The following RTF1 variants were observed in gnomAD, a reference collection of about 807,000 sequenced individuals.
The protein encoded by RTF1 is RNA polymerase-associated protein RTF1 homolog.
A neutral mutation model predicts 95.7 loss-of-function variants in RTF1; 10 were observed. The ratio of observed to expected loss-of-function variants is 0.10; its 90% CI spans 0.06 to 0.18. RTF1 has a LOEUF of 0.18. Ranked by LOEUF, RTF1 falls within the 10% of genes least tolerant of loss-of-function variation. The probability of loss-of-function intolerance (pLI) is 1.00; values close to 1 mark genes in which losing one functional copy is unlikely to be tolerated. For synonymous variants in RTF1, 305 were observed against 311.8 expected, an observed-to-expected ratio of 0.98 and a Z score of 0.23; for missense variants, 458 against 875.6, an observed-to-expected ratio of 0.52 and a Z score of 6.02.
At chr15:41,463,770 C>T (rs1174692719) in intron 4 of RTF1, among the ~76,000 whole-genome samples, 1 of 152,200 alleles carries the variant, frequency 6.6e-6, no homozygotes, top group Non-Finnish European at 1.5e-5. Flanking sequence ...GTGTGAGCCA[C>T]CGTGCCTGGC....
rs548824540 is a variant in RTF1 at position 41,449,555 on chromosome 15, G to A, written c.310-3346G>A. Among the ~76,000 whole-genome samples, 19 of 152,040 alleles carry A rather than the reference G, an allele frequency of 1.2e-4. No individual in the cohort carries two copies. The South Asian group carries it at 3.3e-3, about 27-fold the overall frequency. On this transcript the variant is annotated intron_variant, in intron 2 of 17. Coordinates refer to ENST00000389629, the MANE Select transcript of RTF1 (RefSeq NM_015138.5). Reference sequence around the variant, plus strand: ...GTGGGGTCTTGCTATGTTTCACAGGGTGGTCTCCAACTCCTGTGTTCAAGT... The same window carrying A: ...GTGGGGTCTTGCTATGTTTCACAGGATGGTCTCCAACTCCTGTGTTCAAGT...
chr15:41,470,530 C>T (rs1357844278), intron 7 of RTF1, 138 bp downstream of exon 7: 2 of 841,910 alleles, frequency 2.4e-6, no homozygotes, highest in East Asian at 2.4e-5. Context: ...CTGAGTTCCC[C>T]AGCACGTCAG....
rs1184025322 is a variant in RTF1 at position 41,483,332 on chromosome 15, T to G, written c.*2645T>G. 1 of 152,600 alleles carries G rather than the reference T, an allele frequency of 6.6e-6. No individual in the cohort carries two copies. The highest frequency in any genetic ancestry group is 2.4e-5 in the African/African-American group (1 of 41,430). The allele number at this position is 152,600 out of a possible 1,614,324, so 9.5% of individuals were successfully genotyped here. A position where few individuals can be genotyped will look rare whatever the true frequency, so the allele number is the denominator to read the frequency against. On this transcript the variant is annotated 3_prime_UTR_variant, in exon 18 of 18. Transcript: ENST00000389629. ...TGTTGAAGGGTGCAGCACCCAAGGT[T>G]GTTTTTATGCATTTTTTCAGTTCCT...
At chr15:41,465,210 G>A (rs952500498) in intron 5 of RTF1, among the ~76,000 whole-genome samples, 19 of 146,374 alleles carry the variant, frequency 1.3e-4, no homozygotes, top group African/African-American at 4.3e-4. Context: ...TATGTTGCCC[G>A]GGCTAGAATA....
intron 3 of RTF1, among the ~76,000 whole-genome samples, chr15:41,457,346 CA>C (rs2050824181): frequency 6.6e-6 from 1 of 152,112 alleles, no homozygotes; most frequent in African/African-American, 2.4e-5. Context: ...CCAGCCTGAA[CA>C]ATATGGTGAA....
chr15:41,462,633 A>T (rs745919179), intron 4 of RTF1, among the ~76,000 whole-genome samples: 7 of 152,214 alleles, frequency 4.6e-5, no homozygotes, highest in Admixed American at 2.6e-4. Flanking sequence ...TTGTGCAATC[A>T]TCACCACAAT....
intron 14 of RTF1, among the ~76,000 whole-genome samples, chr15:41,477,967 A>G (rs966382720): frequency 1.3e-5 from 2 of 151,312 alleles, no homozygotes; most frequent in South Asian, 2.1e-4. Flanking sequence ...TGAGCCGGAC[A>G]TGGTGGTGCA....
chr15:41,425,908 A>G (rs2050626819), intron 1 of RTF1, among the ~76,000 whole-genome samples: 1 of 152,080 alleles, frequency 6.6e-6, no homozygotes, highest in South Asian at 2.1e-4. Context: ...AGAGGTGAAG[A>G]TCCTGCATTC....
chr15:41,474,534 T>G, intron 8 of RTF1, 86 bp from the exon 9 acceptor site: 2 of 948,882 alleles, frequency 2.1e-6, no homozygotes, highest in Non-Finnish European at 3.5e-6. Flanking sequence ...GTTGTCTGCG[T>G]TCAGGTAGAG....
intron 9 of RTF1, among the ~76,000 whole-genome samples, chr15:41,475,079 C>G (rs1397817308): frequency 6.6e-6 from 1 of 152,170 alleles, no homozygotes; most frequent in Non-Finnish European, 1.5e-5. Context: ...ATTTCCTCTT[C>G]AGTAAAATGA....
chr15:41,418,829 G>A (rs2050585461), intron 1 of RTF1, among the ~76,000 whole-genome samples: 1 of 151,228 alleles, frequency 6.6e-6, no homozygotes, highest in South Asian at 2.1e-4. Flanking sequence ...AAGTATTAAG[G>A]CATAAAAGGG....
At chr15:41,458,024 A>G (rs988430480) in intron 4 of RTF1, 148 bp downstream of exon 4, 3 of 639,020 alleles carry the variant, frequency 4.7e-6, no homozygotes, top group Non-Finnish European at 8.4e-6. Context: ...CAAGTGATGT[A>G]TTAAATTTCA....
At chr15:41,441,479 A>T (rs2050735788) in intron 2 of RTF1, among the ~76,000 whole-genome samples, 1 of 152,108 alleles carries the variant, frequency 6.6e-6, no homozygotes, top group Admixed American at 6.6e-5. Flanking sequence ...TCTGTTGTTA[A>T]AAGTTAGGTC....
At chr15:41,429,760 G>T (rs370659928) in intron 1 of RTF1, among the ~76,000 whole-genome samples, 1 of 151,756 alleles carries the variant, frequency 6.6e-6, no homozygotes, top group Admixed American at 6.6e-5. Context: ...TTTTCCTCTC[G>T]TGAAGTTTCT....
At position 41,482,225 on chromosome 15, in the gene RTF1, A is replaced by G. The variant is rs1942; in HGVS notation, c.*1538A>G. 99,720 of 152,622 alleles carry G rather than the reference A, an allele frequency of 0.65. 34,289 individuals carry two copies. Among genetic ancestry groups the G allele is most frequent in the African/African-American group, 0.86 (35,585 of 41,546 alleles). The allele number at this position is 152,622 out of a possible 1,614,324, so 9.5% of individuals were successfully genotyped here. A position where few individuals can be genotyped will look rare whatever the true frequency, so the allele number is the denominator to read the frequency against. On this transcript the variant is annotated 3_prime_UTR_variant, in exon 18 of 18. Transcript: ENST00000389629. ...TTATGAAATGTTTGAAAAGAGATAA[A>G]CTGACTGCTTGATAATCACTCTCAG...
chr15:41,468,158 C>T (rs1209353420), intron 6 of RTF1, among the ~76,000 whole-genome samples: 2 of 151,922 alleles, frequency 1.3e-5, no homozygotes, highest in African/African-American at 4.8e-5. Flanking sequence ...AAGAGTGAGA[C>T]TCTGTCTCAA....
chr15:41,478,632 G>T lies in RTF1; in HGVS notation c.1818+7G>T. The T allele has an allele frequency of 6.2e-7, 1 of 1,609,050 alleles. No individual in the cohort carries two copies. Among genetic ancestry groups the T allele is most frequent in the Admixed American group, 1.7e-5 (1 of 59,950 alleles). On this transcript the variant is annotated splice_region_variant and intron_variant, in intron 15 of 17. Coordinates refer to ENST00000389629, the MANE Select transcript of RTF1 (RefSeq NM_015138.5). ...GCCTACCATCGTTTCTAATGTGAGT[G>T]CTGAAAGAGGACATTTTAGTCAGGA...
intron 1 of RTF1, among the ~76,000 whole-genome samples, chr15:41,436,055 C>T (rs1304680500): frequency 2.0e-5 from 3 of 151,950 alleles, no homozygotes; most frequent in African/African-American, 7.3e-5. Context: ...ACCTGTAATC[C>T]CAGCACTTTG....
chr15:41,428,256 C>CT (rs1566836262), intron 1 of RTF1, among the ~76,000 whole-genome samples: 9 of 133,474 alleles, frequency 6.7e-5, no homozygotes, highest in African/African-American at 2.6e-4. Flanking sequence ...TACTGATATC[C>CT]CTTTTTTTTT....
Sources: allele counts gnomAD v4.1 joint callset (sites outside exome capture counted in the v4.1 genomes callset), GRCh38; gene constraint gnomAD v4.1.1; transcripts MANE v1.5; gene names NCBI Gene and HGNC (gene_info 2026-07-23, HGNC 2026-07-21).